Variants in GTF2B observed in about 807,000 individuals in gnomAD.
GTF2B encodes the protein transcription initiation factor IIB.
GTF2B carries 20 observed loss-of-function variants against 34.6 expected under a neutral mutation model. The observed-to-expected ratio is 0.58, with a 90% CI of 0.41 to 0.84. The LOEUF (loss-of-function observed/expected upper bound fraction) is 0.84, where lower values mean the gene tolerates loss of function less well. GTF2B is among the 40% of genes least tolerant of loss of function. GTF2B has a pLI of 0.00. For synonymous variants in GTF2B, 142 were observed against 132.4 expected (o/e 1.07, Z -0.50); for missense variants, 237 against 393.3 (o/e 0.60, Z 3.36).
intron 1 of GTF2B, among the ~76,000 whole-genome samples, chr1:88,888,679 A>T (rs1410806500): frequency 6.6e-6 from 1 of 152,238 alleles, no homozygotes; most frequent in East Asian, 1.9e-4. Flanking sequence ...TGATACAGAA[A>T]CATCTCAAAG....
Position 88,860,286 on chromosome 1 carries a change from C to T in GTF2B, c.259G>A (p.Gly87Ser). 4 of 1,605,604 alleles carry T rather than the reference C, an allele frequency of 2.5e-6. No homozygotes were observed. The highest frequency in any genetic ancestry group is 2.2e-5 in the East Asian group (1 of 44,830). Residue 87 changes from glycine (G) to serine (S), a missense_variant and splice_region_variant, in exon 4 of 7, where the codon GGC becomes AGC. Coordinates refer to ENST00000370500, the MANE Select transcript of GTF2B (RefSeq NM_001514.6). Reference protein sequence around the residue: ...DGDLSTMIGKGTGAASFDEFG... With the variant: ...DGDLSTMIGKSTGAASFDEFG... Reference sequence around the variant, plus strand: ...TCGTCAAAACTTGCAGCTCCTGTGCCCTATAAAACAGTTTTATAACTATGA... The same window carrying T: ...TCGTCAAAACTTGCAGCTCCTGTGCTCTATAAAACAGTTTTATAACTATGA...
At chr1:88,869,411 T>C (rs929331935) in intron 2 of GTF2B, among the ~76,000 whole-genome samples, 90 of 152,154 alleles carry the variant, frequency 5.9e-4, no homozygotes, top group Admixed American at 9.2e-4. Flanking sequence ...TATTCTTCAG[T>C]AAATAAACTA....
intron 2 of GTF2B, among the ~76,000 whole-genome samples, chr1:88,885,545 C>T (rs775018687): frequency 7.9e-5 from 12 of 151,844 alleles, no homozygotes; most frequent in Non-Finnish European, 1.3e-4. Context: ...GTCAGGAGTT[C>T]GAGACCAGCC....
chr1:88,884,060 C>T (rs1674009843), intron 2 of GTF2B, among the ~76,000 whole-genome samples: 1 of 140,240 alleles, frequency 7.1e-6, no homozygotes, highest in Admixed American at 7.5e-5. Flanking sequence ...CAGAGTCTCA[C>T]TCTGTCACTT....
In GTF2B at chr1:88,881,330, C is replaced by A. The variant is rs1023445729; in HGVS notation, c.124+5931G>T. 2.0e-5 allele frequency among the ~76,000 whole-genome samples: 3 copies of A among 151,990 alleles called. No individual in the cohort carries two copies. The South Asian group carries it at 6.2e-4, about 32-fold the overall frequency. On this transcript the variant is annotated intron_variant, in intron 2 of 6. Coordinates refer to ENST00000370500, the MANE Select transcript of GTF2B (RefSeq NM_001514.6). Reference sequence around the variant, plus strand: ...TATACCATCTAGGTTTTATTAAGTACCATCTATGATGTTCATATGATGAAA... The same window carrying A: ...TATACCATCTAGGTTTTATTAAGTAACATCTATGATGTTCATATGATGAAA...
chr1:88,889,382 G>A (rs1173452869), intron 1 of GTF2B, among the ~76,000 whole-genome samples: 2 of 152,132 alleles, frequency 1.3e-5, no homozygotes, highest in Admixed American at 6.5e-5. Flanking sequence ...CAATAGGGAG[G>A]AATAGAGAAA....
chr1:88,858,462 G>A (rs2100962888), intron 5 of GTF2B, among the ~76,000 whole-genome samples: 1 of 152,284 alleles, frequency 6.6e-6, no homozygotes, highest in South Asian at 2.1e-4. Context: ...ATGCCTCTTA[G>A]GCAACACAAT....
intron 6 of GTF2B, among the ~76,000 whole-genome samples, chr1:88,853,664 C>T (rs561035199): frequency 3.9e-5 from 6 of 151,962 alleles, no homozygotes; most frequent in South Asian, 2.1e-4. Flanking sequence ...ATTAGCCAGG[C>T]GTGGTGGCAT....
intron 2 of GTF2B, among the ~76,000 whole-genome samples, chr1:88,885,615 T>C (rs1674049165): frequency 6.6e-6 from 1 of 151,952 alleles, no homozygotes; most frequent in Non-Finnish European, 1.5e-5. Flanking sequence ...CTGGGCATGG[T>C]GGCACATGCC....
intron 2 of GTF2B, among the ~76,000 whole-genome samples, chr1:88,885,286 A>T (rs908275704): frequency 8.2e-6 from 1 of 121,258 alleles, no homozygotes; most frequent in Non-Finnish European, 1.5e-5. Context: ...TAAAAATACA[A>T]CAAGTTAGCC....
chr1:88,854,567 A>T (rs1451216344), intron 6 of GTF2B, among the ~76,000 whole-genome samples: 1 of 152,194 alleles, frequency 6.6e-6, no homozygotes, highest in Non-Finnish European at 1.5e-5. Flanking sequence ...CAATGGCAAG[A>T]TCTCGGCTCA....
In GTF2B at chr1:88,852,652, T is replaced by C. The variant is rs1186688114; in HGVS notation, c.*561A>G. Among the ~76,000 whole-genome samples the C allele has an allele frequency of 6.6e-6, 1 of 152,166 alleles. No homozygotes were observed. Among genetic ancestry groups the C allele is most frequent in the African/African-American group, 2.4e-5 (1 of 41,434 alleles). ...AGAAAATCACATACTTAGAACATTT[T>C]AATGTCTCTCAAGCTGGTGCCTTTC... On this transcript the variant is annotated 3_prime_UTR_variant, in exon 7 of 7. Coordinates refer to ENST00000370500, the MANE Select transcript of GTF2B (RefSeq NM_001514.6).
intron 2 of GTF2B, among the ~76,000 whole-genome samples, chr1:88,879,499 G>A (rs1041850190): frequency 6.6e-6 from 1 of 151,470 alleles, no homozygotes; most frequent in African/African-American, 2.4e-5. Flanking sequence ...CACGAGAATC[G>A]CTTGTACCTG....
intron 3 of GTF2B, among the ~76,000 whole-genome samples, chr1:88,861,394 GT>G (rs1673437458): frequency 6.6e-6 from 1 of 152,242 alleles, no homozygotes; most frequent in South Asian, 2.1e-4. Flanking sequence ...GCCAGGCGCA[GT>G]GGCCCATGCC....
intron 2 of GTF2B, among the ~76,000 whole-genome samples, chr1:88,875,700 G>A (rs1467809978): frequency 6.6e-6 from 1 of 152,046 alleles, no homozygotes; most frequent in Non-Finnish European, 1.5e-5. Context: ...CACCATACTC[G>A]GAAGATCTGT....
At chr1:88,876,458 G>T (rs781289328) in intron 2 of GTF2B, among the ~76,000 whole-genome samples, 5 of 152,160 alleles carry the variant, frequency 3.3e-5, no homozygotes, top group Non-Finnish European at 7.3e-5. Flanking sequence ...GATTGCTTGA[G>T]CCCAGGAGTT....
rs1441987394 is a variant in GTF2B, at chr1:88,853,101, G to C, written c.*112C>G. The C allele has an allele frequency of 4.4e-6, 4 of 901,008 alleles. No homozygotes were observed. Among genetic ancestry groups the C allele is most frequent in the Non-Finnish European group, 7.5e-6 (4 of 534,958 alleles). The allele number at this position is 901,008 out of a possible 1,614,324, so 55.8% of individuals were successfully genotyped here. On this transcript the variant is annotated 3_prime_UTR_variant, in exon 7 of 7. Transcript: ENST00000370500. ...AAGCAATAGTATTCAGCCCTGGAATGCGTACCATGTCTTTTGTTTTTCCTC... is the reference window on the plus strand; with the variant it reads ...AAGCAATAGTATTCAGCCCTGGAATCCGTACCATGTCTTTTGTTTTTCCTC...
At chr1:88,890,240 G>C (rs1258021567) in intron 1 of GTF2B, among the ~76,000 whole-genome samples, 3 of 151,380 alleles carry the variant, frequency 2.0e-5, no homozygotes, top group Non-Finnish European at 4.4e-5. Context: ...CCTACAAGGA[G>C]GCCTTACCCG....
chr1:88,869,029 G>A lies in GTF2B; in HGVS notation c.125-4915C>T, dbSNP rs368209206. On this transcript the variant is annotated intron_variant, in intron 2 of 6. Coordinates refer to ENST00000370500, the MANE Select transcript of GTF2B (RefSeq NM_001514.6). ...GCTGGGATTACAGGCGTGAGCCACC[G>A]CGCCCGGCCTGTATCTGTGTATTCT... Among the ~76,000 whole-genome samples, 42 of 152,164 alleles carry A rather than the reference G, an allele frequency of 2.8e-4. 3 individuals carry two copies. Among genetic ancestry groups the A allele is most frequent in the Admixed American group, 7.9e-4 (12 of 15,278 alleles).
Sources: gnomAD v4.1 joint callset for allele counts (sites outside exome capture counted in the v4.1 genomes callset) on GRCh38, gnomAD v4.1.1 for gene constraint, MANE v1.5 for transcripts, NCBI Gene and HGNC (gene_info 2026-07-23, HGNC 2026-07-21) for gene names.